ERAP1: variants seen among roughly 807,000 people sequenced by gnomAD.
ERAP1 encodes adipocyte-derived leucine aminopeptidase.
In ERAP1, 86 loss-of-function variants were observed where a neutral mutation model predicts 103.7. The ratio of observed to expected loss-of-function variants is 0.83; its 90% CI spans 0.70 to 0.99. The LOEUF is 0.99. Among genes scored for constraint, ERAP1 ranks in the 50% least tolerant of loss-of-function variants. ERAP1 has a pLI of 0.00. For synonymous variants in ERAP1, 398 were observed against 402.4 expected (o/e 0.99, Z 0.13); for missense variants, 1,009 against 1,128.4 (o/e 0.89, Z 1.52).
chr5:96,930,009 C>G, the ERAP1 span, among the ~76,000 whole-genome samples: 3 of 152,084 alleles, frequency 2.0e-5, no homozygotes, highest in Non-Finnish European at 4.4e-5. Context: ...CTGAACAGAC[C>G]ATGTCTTGGC....
At chr5:96,819,170 C>T in the ERAP1 span, among the ~76,000 whole-genome samples, 4 of 151,956 alleles carry the variant, frequency 2.6e-5, no homozygotes, top group Non-Finnish European at 5.9e-5. Flanking sequence ...GTGATCTGCC[C>T]GCCTCGGCCT....
chr5:96,830,426 A>C, the ERAP1 span, among the ~76,000 whole-genome samples: 8 of 152,198 alleles, frequency 5.3e-5, no homozygotes, highest in Non-Finnish European at 7.4e-5. Flanking sequence ...TGCACCAGGG[A>C]ACGTGAGCAA....
At chr5:96,890,029 CTG>C in the ERAP1 span, among the ~76,000 whole-genome samples, 4 of 152,146 alleles carry the variant, frequency 2.6e-5, no homozygotes, top group Non-Finnish European at 5.9e-5. Context: ...GATGGTAAGA[CTG>C]TGGAACAGAT....
At chr5:96,915,076 T>C in the ERAP1 span, among the ~76,000 whole-genome samples, 386 of 152,230 alleles carry the variant, frequency 2.5e-3, 5 homozygotes, top group Admixed American at 0.022. Flanking sequence ...GGCGCCATGT[T>C]GGCTCACTGC....
the ERAP1 span, chr5:96,902,320 G>T: frequency 6.2e-7 from 1 of 1,612,262 alleles, no homozygotes; most frequent in African/African-American, 1.3e-5. Context: ...TTCTTCTAAT[G>T]TGATCCACAG....
chr5:96,802,337 T>C (rs908208351), intron 2 of ERAP1, among the ~76,000 whole-genome samples: 1 of 151,918 alleles, frequency 6.6e-6, no homozygotes, highest in Non-Finnish European at 1.5e-5. Flanking sequence ...CCCAACATAT[T>C]AAGTTAAAAA....
Position 96,781,068 on chromosome 5 carries a change from G to T in ERAP1, c.2578C>A (p.Leu860Ile). The T allele has an allele frequency of 6.2e-7, 1 of 1,614,014 alleles. No individual in the cohort carries two copies. The highest frequency in any genetic ancestry group is 1.1e-5 in the South Asian group (1 of 91,076). Residue 860 changes from leucine (L) to isoleucine (I), a missense_variant, in exon 17 of 19, where the codon CTT becomes ATT. Around this residue, in one of 3 missense-constraint regions of ERAP1, gnomAD observed 611 missense variants for 651.7 expected, o/e 0.94. Transcript: ENST00000443439. ...TTTGGCACCACTTACTTTTGTACAA[G>T]TTTGTTCCAGTTTTTCCTCAGAAAT... The part of the protein sequence containing the change: ...WQFLRKNWNK[L>I]VQKFELGSSS...
downstream of ERAP1, chr5:96,772,236 A>C (rs1269592669): frequency 2.0e-5 from 3 of 153,702 alleles, no homozygotes; most frequent in Non-Finnish European, 4.4e-5. Context: ...CTAATTTATA[A>C]TTGCTGAAGA....
At chr5:96,854,635 C>A in the ERAP1 span, among the ~76,000 whole-genome samples, 1 of 152,042 alleles carries the variant, frequency 6.6e-6, no homozygotes, top group Non-Finnish European at 1.5e-5. Flanking sequence ...ATATTTAAAT[C>A]CAATACAGGT....
At chr5:96,908,099 A>G in the ERAP1 span, among the ~76,000 whole-genome samples, 8 of 152,214 alleles carry the variant, frequency 5.3e-5, no homozygotes, top group Admixed American at 2.6e-4. Context: ...AATTTAAAAC[A>G]TGTATAAGCC....
At chr5:96,894,971 C>G in the ERAP1 span, among the ~76,000 whole-genome samples, 2 of 151,614 alleles carry the variant, frequency 1.3e-5, no homozygotes, top group African/African-American at 4.8e-5. Context: ...AATCTAATAA[C>G]TAGGAAATGT....
Position 96,807,895 on chromosome 5 carries a change from C to T in ERAP1, c.-53G>A. 2 of 986,402 alleles carry T rather than the reference C, an allele frequency of 2.0e-6. No homozygotes were observed. Among genetic ancestry groups the T allele is most frequent in the Non-Finnish European group, 2.4e-6 (2 of 830,674 alleles). 61.1% of individuals were successfully genotyped at this position (986,402 alleles called of 1,614,324 possible). Reference sequence around the variant, plus strand: ...GGGGCCGCCCTCACCCTTGCGCCGCCGCCACCACCACTGCCGCCGGCCTAG... The same window carrying T: ...GGGGCCGCCCTCACCCTTGCGCCGCTGCCACCACCACTGCCGCCGGCCTAG... On this transcript the variant is annotated 5_prime_UTR_variant, in exon 1 of 19. Transcript: ENST00000443439.
At chr5:96,797,018 G>A (rs1777416179) in intron 4 of ERAP1, among the ~76,000 whole-genome samples, 157 bp downstream of exon 4, 1 of 152,074 alleles carries the variant, frequency 6.6e-6, no homozygotes, top group Non-Finnish European at 1.5e-5. Flanking sequence ...CAAACCCCTG[G>A]CCTCAAGTGA....
the ERAP1 span, among the ~76,000 whole-genome samples, chr5:96,874,879 A>G: frequency 1.3e-5 from 2 of 152,240 alleles, no homozygotes; most frequent in Non-Finnish European, 2.9e-5. Flanking sequence ...ATAAGAGCTA[A>G]GCTTGTTATA....
chr5:96,876,822 A>G, the ERAP1 span, among the ~76,000 whole-genome samples: 1 of 152,144 alleles, frequency 6.6e-6, no homozygotes, highest in Non-Finnish European at 1.5e-5. Context: ...CTGCATTGCT[A>G]TTTAAGGTAC....
the ERAP1 span, among the ~76,000 whole-genome samples, chr5:96,872,011 C>T: frequency 6.6e-6 from 1 of 152,050 alleles, no homozygotes; most frequent in Non-Finnish European, 1.5e-5. Context: ...CATAAACTTT[C>T]ACTGATTTTC....
intron 17 of ERAP1, 72 bp downstream of exon 17, chr5:96,780,986 C>A: frequency 6.4e-7 from 1 of 1,572,508 alleles, no homozygotes; most frequent in East Asian, 2.2e-5. Context: ...TGTTCTTTTA[C>A]AAACAGCAAG....
chr5:96,840,775 G>A, the ERAP1 span, among the ~76,000 whole-genome samples: 4 of 151,042 alleles, frequency 2.6e-5, no homozygotes, highest in East Asian at 1.9e-4. Context: ...GCATGATCTC[G>A]GCTCACTGCA....
chr5:96,923,900 G>A, the ERAP1 span, among the ~76,000 whole-genome samples: 1 of 152,174 alleles, frequency 6.6e-6, no homozygotes, highest in Non-Finnish European at 1.5e-5. Context: ...AGGGCCCTGA[G>A]GAGAGAAAGA....
Sources: allele counts gnomAD v4.1 joint callset (sites outside exome capture counted in the v4.1 genomes callset), GRCh38; gene constraint gnomAD v4.1.1; regional missense constraint gnomAD v4.1.1; transcripts MANE v1.5; gene names NCBI Gene and HGNC (gene_info 2026-07-23, HGNC 2026-07-21).